The following CCDC148 variants were observed in gnomAD, a reference collection of about 807,000 sequenced individuals.
The protein encoded by CCDC148 is coiled-coil domain-containing protein 148.
In CCDC148, 89 loss-of-function variants were observed where a neutral mutation model predicts 85.7. That is an observed-to-expected ratio of 1.04 (90% CI 0.87 to 1.24). CCDC148 has a LOEUF of 1.24. CCDC148 is among the 50% of genes most tolerant of loss of function. The probability of loss-of-function intolerance (pLI) is 0.00; values close to 1 mark genes in which losing one functional copy is unlikely to be tolerated. For synonymous variants in CCDC148, 230 were observed against 213.9 expected (o/e 1.08, Z -0.66); for missense variants, 692 against 671.7 (o/e 1.03, Z -0.33).
intron 7 of CCDC148, among the ~76,000 whole-genome samples, chr2:158,337,669 C>G (rs1465835607): frequency 6.6e-6 from 1 of 152,054 alleles, no homozygotes; most frequent in Non-Finnish European, 1.5e-5. Context: ...TGTGGAGAAG[C>G]TACCATCAGA....
chr2:158,363,091 C>A (rs1684038491), intron 1 of CCDC148, among the ~76,000 whole-genome samples: 1 of 152,206 alleles, frequency 6.6e-6, no homozygotes. Flanking sequence ...TTCCTGGACA[C>A]ATACACCCTC....
intron 1 of CCDC148, among the ~76,000 whole-genome samples, chr2:158,396,319 G>A (rs1452927744): frequency 6.6e-6 from 1 of 152,074 alleles, no homozygotes; most frequent in Non-Finnish European, 1.5e-5. Context: ...AGTAGTAGCT[G>A]TCATTTTTTT....
chr2:158,236,485 CT>C (rs975847603), intron 10 of CCDC148, among the ~76,000 whole-genome samples: 18 of 152,292 alleles, frequency 1.2e-4, no homozygotes, highest in African/African-American at 3.6e-4. Flanking sequence ...TAATTTCTCT[CT>C]TTTCACTATT....
chr2:158,214,580 G>A (rs1396564116), intron 11 of CCDC148, among the ~76,000 whole-genome samples: 1 of 152,106 alleles, frequency 6.6e-6, no homozygotes, highest in Non-Finnish European at 1.5e-5. Flanking sequence ...TTCATTCTTT[G>A]TCTTCCTTTA....
chr2:158,349,918 A>G (rs1683176870), intron 2 of CCDC148, among the ~76,000 whole-genome samples: 1 of 152,150 alleles, frequency 6.6e-6, no homozygotes, highest in African/African-American at 2.4e-5. Context: ...CTAAAAATGG[A>G]AGCAAAAGCT....
chr2:158,454,345 C>T (rs898789845), intron 1 of CCDC148, among the ~76,000 whole-genome samples: 1 of 152,124 alleles, frequency 6.6e-6, no homozygotes, highest in Non-Finnish European at 1.5e-5. Context: ...TGTAACACAT[C>T]ATGTAAGAGA....
At chr2:158,225,994 C>CA (rs1228451414) in intron 10 of CCDC148, among the ~76,000 whole-genome samples, 2 of 152,068 alleles carry the variant, frequency 1.3e-5, no homozygotes, top group Non-Finnish European at 2.9e-5. Context: ...AAAAACCCTT[C>CA]AAAAAATCAA....
At chr2:158,286,643 T>C (rs1420757986) in intron 9 of CCDC148, among the ~76,000 whole-genome samples, 2 of 152,144 alleles carry the variant, frequency 1.3e-5, no homozygotes, top group African/African-American at 4.8e-5. Context: ...TATTTGCCCA[T>C]GGACATAGAC....
chr2:158,221,559 C>A (rs1335620114), intron 10 of CCDC148, among the ~76,000 whole-genome samples: 2 of 152,260 alleles, frequency 1.3e-5, no homozygotes, highest in East Asian at 3.9e-4. Flanking sequence ...GAGCGACTGG[C>A]AGCAGGGGGT....
At chr2:158,268,421 C>G (rs1026368435) in intron 9 of CCDC148, among the ~76,000 whole-genome samples, 5 of 152,068 alleles carry the variant, frequency 3.3e-5, no homozygotes, top group Non-Finnish European at 7.4e-5. Flanking sequence ...CATCTCACGT[C>G]CTCTATACCA....
chr2:158,330,178 T>A (rs1336123452), intron 7 of CCDC148, among the ~76,000 whole-genome samples: 2 of 152,184 alleles, frequency 1.3e-5, no homozygotes, highest in Admixed American at 1.3e-4. Flanking sequence ...TTGAGATACG[T>A]CCCATCAATA....
At chr2:158,237,712 G>A (rs545789296) in intron 10 of CCDC148, among the ~76,000 whole-genome samples, 15 of 152,322 alleles carry the variant, frequency 9.8e-5, no homozygotes, top group African/African-American at 3.6e-4. Context: ...CCAAAGGTAT[G>A]AATTGGTATT....
chr2:158,419,278 T>G (rs1177914274), intron 1 of CCDC148, among the ~76,000 whole-genome samples: 2 of 152,176 alleles, frequency 1.3e-5, no homozygotes, highest in African/African-American at 4.8e-5. Flanking sequence ...CTATGAAAAT[T>G]TAAATACTAT....
intron 2 of CCDC148, among the ~76,000 whole-genome samples, chr2:158,357,046 A>G (rs1223536619): frequency 6.9e-6 from 1 of 145,844 alleles, no homozygotes; most frequent in East Asian, 2.1e-4. Context: ...TCACATGGAC[A>G]CAGGAACGGG....
intron 11 of CCDC148, among the ~76,000 whole-genome samples, chr2:158,199,450 G>A (rs1685842397): frequency 6.6e-6 from 1 of 152,062 alleles, no homozygotes; most frequent in Non-Finnish European, 1.5e-5. Context: ...TCACCATGTT[G>A]GCCAGGCTGG....
At chr2:158,382,702 A>G (rs1684924164) in intron 1 of CCDC148, among the ~76,000 whole-genome samples, 1 of 152,030 alleles carries the variant, frequency 6.6e-6, no homozygotes, top group Non-Finnish European at 1.5e-5. Context: ...CGAGGTCAGG[A>G]GTTCAAGACC....
At chr2:158,193,203 G>A (rs1257521141) in intron 11 of CCDC148, among the ~76,000 whole-genome samples, 2 of 152,046 alleles carry the variant, frequency 1.3e-5, no homozygotes, top group African/African-American at 2.4e-5. Flanking sequence ...TATCAGTTTA[G>A]CCAGGCACAA....
chr2:158,238,908 G>A (rs13015311), intron 10 of CCDC148, among the ~76,000 whole-genome samples: 52,797 of 151,990 alleles, frequency 0.35, 11,053 homozygotes, highest in South Asian at 0.6. Flanking sequence ...GGGGAGCATA[G>A]CACAGTGTCT....
intron 11 of CCDC148, among the ~76,000 whole-genome samples, chr2:158,195,976 G>C (rs1050728744): frequency 6.6e-6 from 1 of 152,072 alleles, no homozygotes; most frequent in African/African-American, 2.4e-5. Flanking sequence ...AATCCATAGG[G>C]AATCACAATT....
Sources: allele counts gnomAD v4.1 joint callset (sites outside exome capture counted in the v4.1 genomes callset), GRCh38; gene constraint gnomAD v4.1.1; transcripts MANE v1.5; gene names NCBI Gene and HGNC (gene_info 2026-07-23, HGNC 2026-07-21).